The following ZPLD1 variants were observed in gnomAD, a reference collection of about 807,000 sequenced individuals.
ZPLD1 encodes zona pellucida-like domain-containing protein 1.
ZPLD1 carries 34 observed loss-of-function variants against 47.2 expected under a neutral mutation model. That is an observed-to-expected ratio of 0.72 (90% confidence interval 0.55 to 0.96). ZPLD1 has a LOEUF of 0.96. Among genes scored for constraint, ZPLD1 ranks in the 40% least tolerant of loss-of-function variants. The pLI is 0.00. For missense variants in ZPLD1, 512 were observed against 505.8 expected (o/e 1.01, Z -0.12); for synonymous variants, 176 against 186.2 (o/e 0.95, Z 0.45).
intron 1 of ZPLD1, 89 bp downstream of exon 1, chr3:102,435,243 C>A: frequency 1.4e-6 from 2 of 1,426,310 alleles, no homozygotes; most frequent in South Asian, 2.3e-5. Flanking sequence ...TTGAAAATGT[C>A]GTAAGCCCTG....
intron 10 of ZPLD1, among the ~76,000 whole-genome samples, chr3:102,473,928 G>T (rs1459638407): frequency 6.6e-6 from 1 of 152,024 alleles, no homozygotes; most frequent in African/African-American, 2.4e-5. Context: ...GGCTTGATTT[G>T]CTCTCTTCAA....
intron 6 of ZPLD1, among the ~76,000 whole-genome samples, chr3:102,388,429 G>GTCTCTCTCTCTCTCTCTCTC (rs71781267): frequency 1.2e-3 from 168 of 135,954 alleles, no homozygotes; most frequent in Middle Eastern, 4.1e-3. Flanking sequence ...CTCTCCTGGA[G>GTCTCTCTCTCTCTCTCTCTC]TCTCTCTCTC....
At chr3:102,445,596 T>A (rs1576151987) in intron 3 of ZPLD1, among the ~76,000 whole-genome samples, 1 of 152,304 alleles carries the variant, frequency 6.6e-6, no homozygotes, top group East Asian at 1.9e-4. Flanking sequence ...AGGCCCCAGC[T>A]CAGATCCACT....
At chr3:102,456,978 T>C (rs901062834) in intron 5 of ZPLD1, among the ~76,000 whole-genome samples, 1 of 152,210 alleles carries the variant, frequency 6.6e-6, no homozygotes, top group Non-Finnish European at 1.5e-5. Context: ...ACGTATGCAT[T>C]ATTTCCAAAG....
rs555375490 is a variant in ZPLD1, at chr3:102,468,283, T to C, written c.762-681T>C. Among the ~76,000 whole-genome samples, 137 of 152,342 alleles carry C rather than the reference T, an allele frequency of 9.0e-4. 5 individuals carry two copies. In the South Asian group the frequency reaches 0.028, roughly 31 times the overall value. On this transcript the variant is annotated intron_variant, in intron 8 of 11. Transcript: ENST00000466937. ...TGACAATATCTATTAAATGATTATA[T>C]GGATGTATTCTGTAGTTAATCCTGT...
At chr3:102,389,525 C>T (rs941819878) in intron 6 of ZPLD1, among the ~76,000 whole-genome samples, 1 of 151,938 alleles carries the variant, frequency 6.6e-6, no homozygotes, top group African/African-American at 2.4e-5. Context: ...TGTAGAAGGC[C>T]CTGAATAATC....
At chr3:102,421,659 T>C (rs570229529) in intron 8 of ZPLD1, among the ~76,000 whole-genome samples, 2 of 152,062 alleles carry the variant, frequency 1.3e-5, no homozygotes, top group South Asian at 4.1e-4. Context: ...AAAAGGAGAC[T>C]TGGTAAAAGA....
intron 7 of ZPLD1, among the ~76,000 whole-genome samples, chr3:102,399,981 G>A (rs1706601433): frequency 6.6e-6 from 1 of 151,906 alleles, no homozygotes. Flanking sequence ...ACCATGCCCT[G>A]CTAATTTTTG....
At chr3:102,414,646 G>A (rs886947223) in intron 7 of ZPLD1, among the ~76,000 whole-genome samples, 1 of 151,708 alleles carries the variant, frequency 6.6e-6, no homozygotes, top group Admixed American at 6.6e-5. Context: ...TTGATCATGT[G>A]TAAATAAATA....
At chr3:102,392,882 A>T (rs1034798479) in intron 7 of ZPLD1, among the ~76,000 whole-genome samples, 1 of 152,200 alleles carries the variant, frequency 6.6e-6, no homozygotes, top group African/African-American at 2.4e-5. Flanking sequence ...TTAAGATGTA[A>T]TAGACTATAG....
upstream of ZPLD1, among the ~76,000 whole-genome samples, chr3:102,431,208 CACTT>C (rs1233540895): frequency 2.0e-5 from 3 of 152,192 alleles, no homozygotes; most frequent in Non-Finnish European, 4.4e-5. Context: ...AATGAACACT[CACTT>C]TGTGTCAGAG....
chr3:102,390,571 C>T (rs771911547), intron 6 of ZPLD1, among the ~76,000 whole-genome samples: 2 of 152,192 alleles, frequency 1.3e-5, no homozygotes, highest in Non-Finnish European at 2.9e-5. Context: ...GCAGATGCCT[C>T]TATTAAGCCT....
upstream of ZPLD1, among the ~76,000 whole-genome samples, chr3:102,433,966 T>C (rs1477083237): frequency 6.6e-6 from 1 of 152,194 alleles, no homozygotes; most frequent in Admixed American, 6.5e-5. Flanking sequence ...ATTAATATAA[T>C]TTACTTTCTG....
chr3:102,436,762 T>C (rs1161510846), intron 1 of ZPLD1, 98 bp from the exon 2 acceptor site: 2 of 435,828 alleles, frequency 4.6e-6, no homozygotes, highest in South Asian at 9.6e-5. Flanking sequence ...ATTCAGTAAA[T>C]GTTATTTTCT....
intron 7 of ZPLD1, among the ~76,000 whole-genome samples, chr3:102,413,224 AT>A (rs916354559): frequency 2.0e-4 from 31 of 151,860 alleles, no homozygotes; most frequent in African/African-American, 7.2e-4. Context: ...TAAAAAGACT[AT>A]TTTTTTAACA....
chr3:102,464,352 A>T (rs1707558825), intron 8 of ZPLD1, 101 bp downstream of exon 8: 2 of 789,256 alleles, frequency 2.5e-6, no homozygotes, highest in Non-Finnish European at 3.9e-6. Flanking sequence ...GCACTATTAT[A>T]GCTTTTGAAT....
At chr3:102,456,151 T>C (rs1385370279) in intron 4 of ZPLD1, 42 bp from the exon 5 acceptor site, 1 of 1,558,236 alleles carries the variant, frequency 6.4e-7, no homozygotes. Context: ...TAGATGTATA[T>C]ATAGCCATTT....
chr3:102,464,557 T>C (rs1035869826), intron 8 of ZPLD1, among the ~76,000 whole-genome samples: 2 of 152,180 alleles, frequency 1.3e-5, no homozygotes, highest in Non-Finnish European at 2.9e-5. Context: ...ATAGTTAGGA[T>C]ATTATTCGCA....
chr3:102,418,721 A>AT (rs1211803023), intron 8 of ZPLD1, among the ~76,000 whole-genome samples: 1 of 152,022 alleles, frequency 6.6e-6, no homozygotes, highest in East Asian at 1.9e-4. Context: ...AGCTGGCTAG[A>AT]TATGTGTGGC....
Sources: allele counts gnomAD v4.1 joint callset (sites outside exome capture counted in the v4.1 genomes callset), GRCh38; gene constraint gnomAD v4.1.1; transcripts MANE v1.5; gene names NCBI Gene and HGNC (gene_info 2026-07-23, HGNC 2026-07-21).